IGFBP2: variants seen among roughly 807,000 people sequenced by gnomAD.
IGFBP2 encodes the protein insulin-like growth factor-binding protein 2.
Under a neutral mutation model 26.2 loss-of-function variants are expected in IGFBP2, and 12 were observed. That is an observed-to-expected ratio of 0.46 (90% confidence interval 0.29 to 0.74). The LOEUF (loss-of-function observed/expected upper bound fraction) is 0.74. IGFBP2 is among the 30% of genes least tolerant of loss of function. The pLI is 0.09. For synonymous variants in IGFBP2, 189 were observed against 200.6 expected (o/e 0.94, Z 0.49); for missense variants, 328 against 441.2 (o/e 0.74, Z 2.30).
chr2:216,649,931 A>T (rs1697787495), intron 1 of IGFBP2, among the ~76,000 whole-genome samples: 1 of 152,198 alleles, frequency 6.6e-6, no homozygotes, highest in Non-Finnish European at 1.5e-5. Flanking sequence ...CTCTGCATGT[A>T]TCCAAGCAAG....
At chr2:216,642,899 G>T (rs1559175753) in intron 1 of IGFBP2, among the ~76,000 whole-genome samples, 1 of 152,194 alleles carries the variant, frequency 6.6e-6, no homozygotes, top group Non-Finnish European at 1.5e-5. Context: ...AATCCCTGAG[G>T]CTACATCTCT....
chr2:216,644,962 T>G (rs751122048), intron 1 of IGFBP2, among the ~76,000 whole-genome samples: 1 of 152,224 alleles, frequency 6.6e-6, no homozygotes, highest in Non-Finnish European at 1.5e-5. Flanking sequence ...GAGCTCCTTT[T>G]CCCTGGGAAG....
chr2:216,657,616 T>C (rs1172215404), intron 1 of IGFBP2, among the ~76,000 whole-genome samples: 3 of 152,004 alleles, frequency 2.0e-5, no homozygotes, highest in Non-Finnish European at 4.4e-5. Context: ...GGGTGTCTGC[T>C]GCTCTCCATG....
intron 1 of IGFBP2, among the ~76,000 whole-genome samples, chr2:216,651,465 C>G (rs1285453105): frequency 1.3e-5 from 2 of 152,252 alleles, no homozygotes; most frequent in African/African-American, 4.8e-5. Context: ...TGACCTCCTT[C>G]CCTTTGTCCC....
In IGFBP2 at chr2:216,648,695, G is replaced by A. The variant is rs571235644; in HGVS notation, c.443-11862G>A. The stretch of plus-strand genomic sequence containing the variant: ...GCGATCTTGGCTCACTGCAACCTTC[G>A]CCTCCCGGGTTCAAGCGATTCTTCT... On this transcript the variant is annotated intron_variant, in intron 1 of 3. Coordinates refer to ENST00000233809, the MANE Select transcript of IGFBP2 (RefSeq NM_000597.3). Among the ~76,000 whole-genome samples, 12 of 152,118 alleles carry A rather than the reference G, an allele frequency of 7.9e-5. No homozygotes were observed. The East Asian group carries it at 1.4e-3, about 17-fold the overall frequency.
chr2:216,661,781 G>A (rs776263465), intron 2 of IGFBP2, 77 bp from the exon 3 acceptor site: 46 of 1,555,608 alleles, frequency 3.0e-5, no homozygotes, highest in Admixed American at 1.2e-4. Flanking sequence ...GCAGCTTCTC[G>A]CTGAGCTTGC....
chr2:216,663,831 C>T (rs1688703819), intron 3 of IGFBP2, 109 bp from the exon 4 acceptor site: 2 of 1,156,346 alleles, frequency 1.7e-6, no homozygotes, highest in Non-Finnish European at 2.4e-6. Flanking sequence ...CTCCACCCGG[C>T]AGCGCATGGG....
At chr2:216,655,745 ATT>A (rs781359202) in intron 1 of IGFBP2, among the ~76,000 whole-genome samples, 3 of 151,994 alleles carry the variant, frequency 2.0e-5, no homozygotes, top group Non-Finnish European at 2.9e-5. Flanking sequence ...AAATACAAAT[ATT>A]AACCAGGCGT....
rs1020975092 is a variant in IGFBP2, at chr2:216,633,655, C to T, written c.132C>T (p.Pro44=). The change falls in exon 1 of 4, where the codon CCC becomes CCT. Residue 44 remains proline (P), a synonymous_variant. Coordinates refer to ENST00000233809, the MANE Select transcript of IGFBP2 (RefSeq NM_000597.3). ...CGGAGGTGCTGTTCCGCTGCCCGCC[C>T]TGCACACCCGAGCGCCTGGCCGCCT... is the stretch of plus-strand genomic sequence containing the variant. ...ARAEVLFRCP[P]CTPERLAACG... is the part of the protein sequence containing the mutation. The T allele has an allele frequency of 7.3e-6, 8 of 1,089,128 alleles. No homozygotes were observed. In the African/African-American group the frequency reaches 8.4e-5, roughly 11 times the overall value. 67.5% of individuals were successfully genotyped at this position (1,089,128 alleles called of 1,614,324 possible).
chr2:216,643,421 A>G (rs1697652880), intron 1 of IGFBP2, among the ~76,000 whole-genome samples: 2 of 152,146 alleles, frequency 1.3e-5, no homozygotes, highest in South Asian at 4.1e-4. Context: ...TTTCTTTTCC[A>G]GCATCTAATG....
chr2:216,647,983 G>A (rs1425550648), intron 1 of IGFBP2, among the ~76,000 whole-genome samples: 1 of 152,194 alleles, frequency 6.6e-6, no homozygotes, highest in Admixed American at 6.5e-5. Flanking sequence ...TTGGACACTT[G>A]GAGGCCATAT....
At chr2:216,661,789 T>C (rs1304248033) in intron 2 of IGFBP2, 69 bp from the exon 3 acceptor site, 1 of 1,585,382 alleles carries the variant, frequency 6.3e-7, no homozygotes, top group Non-Finnish European at 8.6e-7. Context: ...TCGCTGAGCT[T>C]GCGTCTGGCG....
In IGFBP2 at chr2:216,661,494, G is replaced by T. The variant is rs1688646647; in HGVS notation, c.673-364G>T. 2.1e-5 allele frequency: 8 copies of T among 376,070 alleles called. No individual in the cohort carries two copies. The Admixed American group carries it at 3.0e-4, about 14-fold the overall frequency. 23.3% of individuals were successfully genotyped at this position (376,070 alleles called of 1,614,324 possible). On this transcript the variant is annotated intron_variant, in intron 2 of 3. Transcript: ENST00000233809. Reference sequence around the variant, plus strand: ...CTCTGCCATCTTGGGTCCTGGCCCTGGTTGGTTTTATGGAAAGAAGTGGAG... The same window carrying T: ...CTCTGCCATCTTGGGTCCTGGCCCTTGTTGGTTTTATGGAAAGAAGTGGAG...
intron 1 of IGFBP2, among the ~76,000 whole-genome samples, chr2:216,645,641 T>C (rs1158134888): frequency 6.6e-6 from 1 of 152,200 alleles, no homozygotes; most frequent in Non-Finnish European, 1.5e-5. Flanking sequence ...ATTCTTGCAA[T>C]ACAGGAGAAC....
chr2:216,643,007 G>A (rs536535182), intron 1 of IGFBP2, among the ~76,000 whole-genome samples: 13 of 152,260 alleles, frequency 8.5e-5, no homozygotes, highest in Non-Finnish European at 1.6e-4. Flanking sequence ...ACTAATCCAA[G>A]TGGTCCTAGC....
chr2:216,659,290 G>C (rs1255721900), intron 1 of IGFBP2, among the ~76,000 whole-genome samples: 2 of 152,236 alleles, frequency 1.3e-5, no homozygotes, highest in Non-Finnish European at 2.9e-5. Flanking sequence ...GAATACTCTT[G>C]TATAGAGTTA....
At chr2:216,638,949 C>G (rs899797480) in intron 1 of IGFBP2, among the ~76,000 whole-genome samples, 4 of 151,784 alleles carry the variant, frequency 2.6e-5, no homozygotes, top group African/African-American at 9.7e-5. Flanking sequence ...ATCCGCCCAC[C>G]TCGGCCTCCC....
At chr2:216,661,123 G>A (rs918043484) in intron 2 of IGFBP2, 6 of 340,302 alleles carry the variant, frequency 1.8e-5, no homozygotes, top group Non-Finnish European at 3.3e-5. Context: ...CTCCCCCTGA[G>A]ATGGGGTCTC....
intron 1 of IGFBP2, among the ~76,000 whole-genome samples, chr2:216,636,902 G>A (rs1349628160): frequency 8.6e-6 from 1 of 116,000 alleles, no homozygotes; most frequent in African/African-American, 3.4e-5. Context: ...AAAGTCCCAG[G>A]GCGGGCAGAC....
Sources: allele counts gnomAD v4.1 joint callset (sites outside exome capture counted in the v4.1 genomes callset), GRCh38; gene constraint gnomAD v4.1.1; transcripts MANE v1.5; gene names NCBI Gene and HGNC (gene_info 2026-07-23, HGNC 2026-07-21).